The following RBBP8 variants were observed in gnomAD, a reference collection of about 807,000 sequenced individuals.
The protein encoded by RBBP8 is DNA endonuclease RBBP8.
RBBP8 carries 88 observed loss-of-function variants against 108.3 expected under a neutral mutation model. The ratio of observed to expected loss-of-function variants is 0.81; its 90% CI spans 0.68 to 0.97. The LOEUF is 0.97. Among genes scored for constraint, RBBP8 ranks in the 50% least tolerant of loss-of-function variants. The pLI is 0.00. For missense variants in RBBP8, 1,023 were observed against 1,049.0 expected (o/e 0.98, Z 0.34); for synonymous variants, 332 against 348.2 (o/e 0.95, Z 0.52).
At chr18:23,009,316 CTT>C (rs1459093833) in intron 16 of RBBP8, among the ~76,000 whole-genome samples, 1 of 151,494 alleles carries the variant, frequency 6.6e-6, no homozygotes, top group Admixed American at 6.6e-5. Flanking sequence ...TGTTTGAAAA[CTT>C]TTTGTATGCT....
chr18:23,026,221 G>A lies in RBBP8; in HGVS notation c.2675G>A (p.Gly892Asp). ...QPYNAIFSPK[G>D]KEQKT is the part of the protein sequence containing the mutation. ...TACAACGCAATATTTTCTCCAAAAGGCAAGGAGCAGAAGACATAGACGTTG... is the reference window on the plus strand; with the variant it reads ...TACAACGCAATATTTTCTCCAAAAGACAAGGAGCAGAAGACATAGACGTTG... Residue 892 changes from glycine (G) to aspartate (D), a missense_variant, in exon 19 of 19, where the codon GGC becomes GAC. Transcript: ENST00000327155. The A allele has an allele frequency of 3.1e-6, 5 of 1,613,564 alleles. No homozygotes were observed. In the South Asian group the frequency reaches 3.3e-5, roughly 11 times the overall value.
intron 4 of RBBP8, among the ~76,000 whole-genome samples, chr18:22,950,382 C>T (rs1413812210): frequency 6.6e-6 from 1 of 152,118 alleles, no homozygotes; most frequent in African/African-American, 2.4e-5. Flanking sequence ...GCCAGACATT[C>T]AAGACCAGCC....
At chr18:22,980,185 G>C (rs560224566) in intron 6 of RBBP8, among the ~76,000 whole-genome samples, 14 of 152,196 alleles carry the variant, frequency 9.2e-5, no homozygotes, top group African/African-American at 2.9e-4. Context: ...GGCAGAGGTT[G>C]TAGTGAGCCG....
At chr18:22,954,547 C>G (rs1912341040) in intron 4 of RBBP8, among the ~76,000 whole-genome samples, 1 of 152,236 alleles carries the variant, frequency 6.6e-6, no homozygotes, top group African/African-American at 2.4e-5. Flanking sequence ...GGTACAGCCC[C>G]ATTCCCAGCT....
intron 2 of RBBP8, among the ~76,000 whole-genome samples, chr18:22,915,737 T>C (rs1909330898): frequency 6.6e-6 from 1 of 152,120 alleles, no homozygotes; most frequent in African/African-American, 2.4e-5. Context: ...TTAAAAAATT[T>C]AAACCACACC....
At chr18:22,923,420 C>T (rs1909672882) in intron 3 of RBBP8, among the ~76,000 whole-genome samples, 1 of 152,186 alleles carries the variant, frequency 6.6e-6, no homozygotes, top group Non-Finnish European at 1.5e-5. Context: ...CACATGCCTT[C>T]TGCCTGGAAA....
rs1309520608 is a variant in RBBP8 at position 22,967,381 on chromosome 18, AC to A, written c.249-1424del. Among the ~76,000 whole-genome samples the A allele has an allele frequency of 5.3e-5, 8 of 151,444 alleles. No homozygotes were observed. The South Asian group carries it at 6.3e-4, about 12-fold the overall frequency. On this transcript the variant is annotated intron_variant, in intron 4 of 18. Coordinates refer to ENST00000327155, the MANE Select transcript of RBBP8 (RefSeq NM_002894.3). ...ACTCCGTCTCAAAAAAAAAAAAAAA[AC>A]AATTATCTTCGAATTTATTTCCTGA...
At chr18:22,960,048 C>T (rs367976750) in intron 4 of RBBP8, among the ~76,000 whole-genome samples, 1 of 151,588 alleles carries the variant, frequency 6.6e-6, no homozygotes, top group Non-Finnish European at 1.5e-5. Flanking sequence ...CCCGCCACCA[C>T]GCCCAACTAA....
chr18:22,934,492 T>A (rs938591048), intron 1 of RBBP8, among the ~76,000 whole-genome samples: 13 of 152,148 alleles, frequency 8.5e-5, no homozygotes, highest in Non-Finnish European at 1.8e-4. Flanking sequence ...TTTTTTTTTC[T>A]TTTTGCTGCA....
intron 13 of RBBP8, 34 bp from the exon 14 acceptor site, chr18:22,997,586 G>A (rs376777630): frequency 7.1e-5 from 92 of 1,297,610 alleles, no homozygotes; most frequent in Non-Finnish European, 9.6e-5. Flanking sequence ...AGGAATAATT[G>A]TTAAAATTTT....
intron 12 of RBBP8, among the ~76,000 whole-genome samples, chr18:22,994,117 T>A (rs2045805944): frequency 7.4e-6 from 1 of 135,746 alleles, no homozygotes; most frequent in Admixed American, 8.1e-5. Flanking sequence ...GCCTCCCGGG[T>A]TCACACCATT....
intron 4 of RBBP8, among the ~76,000 whole-genome samples, chr18:22,951,343 A>T (rs1171161165): frequency 6.6e-6 from 1 of 152,206 alleles, no homozygotes; most frequent in Non-Finnish European, 1.5e-5. Context: ...GTCTGTGCAT[A>T]TATTTAATTT....
intron 5 of RBBP8, among the ~76,000 whole-genome samples, chr18:22,972,126 T>C (rs912540607): frequency 6.7e-6 from 1 of 149,072 alleles, no homozygotes; most frequent in Non-Finnish European, 1.5e-5. Flanking sequence ...GAAGCTGAGG[T>C]GGGTGGATCA....
chr18:22,969,406 T>C (rs1330578288), intron 5 of RBBP8, among the ~76,000 whole-genome samples: 2 of 152,162 alleles, frequency 1.3e-5, no homozygotes, highest in Non-Finnish European at 2.9e-5. Flanking sequence ...TCTTTTATTC[T>C]TTTAATACTT....
chr18:22,997,787 G>A (rs1206430932), intron 14 of RBBP8, 53 bp downstream of exon 14: 5 of 1,274,380 alleles, frequency 3.9e-6, no homozygotes, highest in Non-Finnish European at 5.6e-6. Context: ...TGTGAAGTTT[G>A]TAGTTGTACC....
rs572700395 is a variant in RBBP8 at position 22,996,756 on chromosome 18, G to A, written c.2028+294G>A. ...TCATGCCTGTAATCCCAACACTCTGGGAGGTCGAAGAGAGAGAATCACTTG... is the reference window on the plus strand; with the variant it reads ...TCATGCCTGTAATCCCAACACTCTGAGAGGTCGAAGAGAGAGAATCACTTG... On this transcript the variant is annotated intron_variant, in intron 13 of 18. Coordinates refer to ENST00000327155, the MANE Select transcript of RBBP8 (RefSeq NM_002894.3). Among the ~76,000 whole-genome samples the A allele has an allele frequency of 1.3e-4, 20 of 152,294 alleles. No homozygotes were observed. The East Asian group carries it at 3.9e-3, about 29-fold the overall frequency.
At chr18:23,007,891 C>A (rs2046085143) in intron 16 of RBBP8, among the ~76,000 whole-genome samples, 1 of 151,436 alleles carries the variant, frequency 6.6e-6, no homozygotes, top group Admixed American at 6.6e-5. Context: ...TGGCTCACTG[C>A]AACCTCTGCC....
intron 10 of RBBP8, 96 bp downstream of exon 10, chr18:22,991,145 A>G (rs1474533028): frequency 2.3e-6 from 2 of 874,544 alleles, no homozygotes; most frequent in East Asian, 2.7e-5. Flanking sequence ...CCTTCAACAT[A>G]TAGTTTGTTA....
chr18:23,012,482 G>A (rs1027674822), intron 16 of RBBP8, among the ~76,000 whole-genome samples: 2 of 152,164 alleles, frequency 1.3e-5, no homozygotes, highest in African/African-American at 4.8e-5. Flanking sequence ...CTGCTGACAT[G>A]GAGGAAATTT....
Sources: gnomAD v4.1 joint callset for allele counts (sites outside exome capture counted in the v4.1 genomes callset) on GRCh38, gnomAD v4.1.1 for gene constraint, MANE v1.5 for transcripts, NCBI Gene and HGNC (gene_info 2026-07-23, HGNC 2026-07-21) for gene names.